Variants in RAPGEF2 observed in about 807,000 individuals in gnomAD.
RAPGEF2 encodes the protein PDZ domain containing guanine nucleotide exchange factor (GEF) 1.
Under a neutral mutation model 186.7 loss-of-function variants are expected in RAPGEF2, and 54 were observed. That is an observed-to-expected ratio of 0.29 (90% CI 0.23 to 0.36). The LOEUF (loss-of-function observed/expected upper bound fraction) is 0.36. Among genes scored for constraint, RAPGEF2 ranks in the 10% least tolerant of loss-of-function variants. RAPGEF2 has a pLI of 1.00. For missense variants in RAPGEF2, 1,532 were observed against 2,045.0 expected, an observed-to-expected ratio of 0.75 and a Z score of 4.84; for synonymous variants, 712 against 705.9, an observed-to-expected ratio of 1.01 and a Z score of -0.14.
intron 4 of RAPGEF2, among the ~76,000 whole-genome samples, chr4:159,226,969 C>T (rs1247504901): frequency 6.6e-6 from 1 of 152,136 alleles, no homozygotes; most frequent in African/African-American, 2.4e-5. Flanking sequence ...CTTTTCCTTT[C>T]TTGCACATGT....
At chr4:159,165,171 C>T (rs1295850815) in intron 1 of RAPGEF2, among the ~76,000 whole-genome samples, 3 of 151,852 alleles carry the variant, frequency 2.0e-5, no homozygotes, top group African/African-American at 7.3e-5. Context: ...TATTTGATTT[C>T]CAGCTGTTTT....
intron 8 of RAPGEF2, among the ~76,000 whole-genome samples, chr4:159,311,402 C>T (rs913762789): frequency 2.6e-5 from 4 of 152,032 alleles, no homozygotes; most frequent in African/African-American, 7.2e-5. Flanking sequence ...ATATAAATTG[C>T]GTGCAGCGTT....
At chr4:159,308,331 G>A (rs1763553013) in intron 8 of RAPGEF2, among the ~76,000 whole-genome samples, 1 of 152,188 alleles carries the variant, frequency 6.6e-6, no homozygotes, top group African/African-American at 2.4e-5. Flanking sequence ...ATCCATAGAT[G>A]TATCTAAGGA....
At chr4:159,198,258 TTC>T (rs760958999) in intron 3 of RAPGEF2, among the ~76,000 whole-genome samples, 23,845 of 108,614 alleles carry the variant, frequency 0.22, 3,573 homozygotes, top group Non-Finnish European at 0.25. Flanking sequence ...CTTTCTTTCT[TTC>T]TCTTTCTTTC....
chr4:159,162,169 A>C (rs1331234984), intron 1 of RAPGEF2, among the ~76,000 whole-genome samples: 4 of 151,406 alleles, frequency 2.6e-5, no homozygotes, highest in African/African-American at 4.9e-5. Flanking sequence ...ATGATTGCTT[A>C]AAGCCAAGAG....
chr4:159,299,891 A>C (rs1016880210), intron 7 of RAPGEF2, among the ~76,000 whole-genome samples: 1 of 151,874 alleles, frequency 6.6e-6, no homozygotes, highest in Middle Eastern at 3.2e-3. Context: ...ATAAAAAAAA[A>C]AGCTATTATA....
chr4:159,356,592 T>C (rs1732048419), intron 29 of RAPGEF2, among the ~76,000 whole-genome samples: 1 of 152,172 alleles, frequency 6.6e-6, no homozygotes, highest in Non-Finnish European at 1.5e-5. Flanking sequence ...GAAGTACTTC[T>C]GTGACCCTAT....
chr4:159,220,555 T>C (rs999705328), intron 4 of RAPGEF2, among the ~76,000 whole-genome samples: 2 of 152,224 alleles, frequency 1.3e-5, no homozygotes, highest in African/African-American at 4.8e-5. Context: ...CCAGCTTGCG[T>C]TGCTTCCAAC....
chr4:159,149,330 G>C (rs1438205199), intron 1 of RAPGEF2, among the ~76,000 whole-genome samples: 1 of 152,072 alleles, frequency 6.6e-6, no homozygotes, highest in Non-Finnish European at 1.5e-5. Flanking sequence ...GCGTGATCTT[G>C]GCTCATTGCA....
chr4:159,219,078 T>C (rs1331475112), intron 4 of RAPGEF2, among the ~76,000 whole-genome samples: 1 of 152,166 alleles, frequency 6.6e-6, no homozygotes, highest in Non-Finnish European at 1.5e-5. Flanking sequence ...TGCATAAATA[T>C]ATATTTGTTT....
chr4:159,228,687 G>A (rs1174517902), intron 4 of RAPGEF2, among the ~76,000 whole-genome samples: 1 of 152,122 alleles, frequency 6.6e-6, no homozygotes, highest in Non-Finnish European at 1.5e-5. Context: ...GCCGGTTAAA[G>A]TCCATGCTTT....
At chr4:159,339,018 T>C in intron 18 of RAPGEF2, 96 bp from the exon 19 acceptor site, 1 of 1,440,746 alleles carries the variant, frequency 6.9e-7, no homozygotes, top group Non-Finnish European at 9.4e-7. Context: ...CAGCATTGCT[T>C]TTTCTTAAGG....
At chr4:159,306,392 T>C (rs1184455780) in intron 8 of RAPGEF2, among the ~76,000 whole-genome samples, 1 of 152,166 alleles carries the variant, frequency 6.6e-6, no homozygotes, top group African/African-American at 2.4e-5. Context: ...TCTGTAGCTA[T>C]TGCAAATGAG....
At chr4:159,122,243 A>G (rs1306692628) in intron 1 of RAPGEF2, among the ~76,000 whole-genome samples, 3 of 151,576 alleles carry the variant, frequency 2.0e-5, no homozygotes, top group African/African-American at 7.3e-5. Context: ...CACTTTGGGA[A>G]GCTGAGGCAG....
chr4:159,115,581 A>G (rs1248993348), intron 1 of RAPGEF2, among the ~76,000 whole-genome samples: 2 of 151,652 alleles, frequency 1.3e-5, no homozygotes, highest in Non-Finnish European at 2.9e-5. Flanking sequence ...AAGCTACTTC[A>G]TGCATTCTTA....
intron 1 of RAPGEF2, among the ~76,000 whole-genome samples, chr4:159,126,753 A>T (rs1346808549): frequency 6.6e-6 from 1 of 151,974 alleles, no homozygotes; most frequent in Non-Finnish European, 1.5e-5. Flanking sequence ...TTCTCAGTTG[A>T]TTATAAGATC....
At chr4:159,351,251 G>T in intron 26 of RAPGEF2, 1 of 1,424,808 alleles carries the variant, frequency 7.0e-7, no homozygotes, top group Non-Finnish European at 9.3e-7. Context: ...GAAAATGGGA[G>T]AATTCCTCCA....
In RAPGEF2 at chr4:159,324,114, C is replaced by A. The variant is rs534776919; in HGVS notation, c.1149+497C>A. Among the ~76,000 whole-genome samples the A allele has an allele frequency of 4.6e-5, 7 of 152,148 alleles. No individual in the cohort carries two copies. The South Asian group carries it at 1.5e-3, about 32-fold the overall frequency. On this transcript the variant is annotated intron_variant, in intron 11 of 29. Transcript: ENST00000691494. ...GTTTCACCATATTGGCCATGCTGGT[C>A]TCAAACTCCTGACCTCGTGATCCAC...
At chr4:159,165,268 A>G (rs1173736918) in intron 1 of RAPGEF2, among the ~76,000 whole-genome samples, 1 of 152,188 alleles carries the variant, frequency 6.6e-6, no homozygotes, top group Non-Finnish European at 1.5e-5. Flanking sequence ...ATACTACTTT[A>G]TAAAATAGAA....
Sources: gnomAD v4.1 joint callset for allele counts (sites outside exome capture counted in the v4.1 genomes callset) on GRCh38, gnomAD v4.1.1 for gene constraint, MANE v1.5 for transcripts, NCBI Gene and HGNC (gene_info 2026-07-23, HGNC 2026-07-21) for gene names.